Variants in DGKI observed in about 807,000 individuals in gnomAD.
The protein encoded by DGKI is diacylglycerol kinase iota.
In DGKI, 55 loss-of-function variants were observed where a neutral mutation model predicts 147.5. That is an observed-to-expected ratio of 0.37 (90% CI 0.30 to 0.47). The LOEUF (loss-of-function observed/expected upper bound fraction) is 0.47. Ranked by LOEUF, DGKI falls within the 20% of genes least tolerant of loss-of-function variation. The probability of loss-of-function intolerance (pLI) is 1.00; values close to 1 mark genes in which losing one functional copy is unlikely to be tolerated. For synonymous variants in DGKI, 469 were observed against 477.1 expected, an observed-to-expected ratio of 0.98 and a Z score of 0.22; for missense variants, 1,007 against 1,323.8, an observed-to-expected ratio of 0.76 and a Z score of 3.71.
intron 2 of DGKI, among the ~76,000 whole-genome samples, chr7:137,682,025 G>T (rs776412392): frequency 6.6e-6 from 1 of 152,226 alleles, no homozygotes; most frequent in African/African-American, 2.4e-5. Context: ...GTTGCTGGGA[G>T]AAGTTAGCTA....
At chr7:137,709,398 G>A (rs530165519) in intron 1 of DGKI, among the ~76,000 whole-genome samples, 1 of 152,260 alleles carries the variant, frequency 6.6e-6, no homozygotes, top group Non-Finnish European at 1.5e-5. Context: ...CTAAAGTGAT[G>A]TCAGCAAAAA....
At chr7:137,464,462 G>C (rs1190669571) in intron 26 of DGKI, among the ~76,000 whole-genome samples, 2 of 152,022 alleles carry the variant, frequency 1.3e-5, no homozygotes, top group African/African-American at 4.8e-5. Context: ...CTACTGATGG[G>C]TCTGATGCAT....
chr7:137,777,689 T>C (rs1052952074), intron 1 of DGKI, among the ~76,000 whole-genome samples: 5 of 152,260 alleles, frequency 3.3e-5, no homozygotes, highest in African/African-American at 1.2e-4. Flanking sequence ...ATGTCTTTTA[T>C]TCTCTTTAAA....
At position 137,727,053 on chromosome 7, in the gene DGKI, GA is replaced by G. The variant is rs368967257; in HGVS notation, c.402-37052del. ...GCCGTTGTTTTCAAGATCTGCAAAA[GA>G]AAAAAAAATGTTTTCTCATGAAAAG... On this transcript the variant is annotated intron_variant, in intron 1 of 32. Coordinates refer to ENST00000614521, the MANE Select transcript of DGKI (RefSeq NM_001321708.2). Among the ~76,000 whole-genome samples, 566 of 150,142 alleles carry G rather than the reference GA, an allele frequency of 3.8e-3. 23 individuals are homozygous for G. In the East Asian group the frequency reaches 0.084, roughly 22 times the overall value.
At chr7:137,730,717 C>G (rs1004793071) in intron 1 of DGKI, among the ~76,000 whole-genome samples, 1 of 152,036 alleles carries the variant, frequency 6.6e-6, no homozygotes, top group African/African-American at 2.4e-5. Flanking sequence ...ATCCATCACC[C>G]CGCAAAATGT....
At chr7:137,584,345 G>T (rs1470044805) in intron 14 of DGKI, among the ~76,000 whole-genome samples, 1 of 152,160 alleles carries the variant, frequency 6.6e-6, no homozygotes, top group South Asian at 2.1e-4. Context: ...GAGGGAAGTG[G>T]CTACTCAGAA....
intron 6 of DGKI, among the ~76,000 whole-genome samples, chr7:137,624,838 C>T (rs879669428): frequency 2.6e-5 from 4 of 152,094 alleles, no homozygotes; most frequent in Non-Finnish European, 4.4e-5. Flanking sequence ...AATCTCCTGA[C>T]CTCATGATCT....
intron 21 of DGKI, among the ~76,000 whole-genome samples, chr7:137,503,738 T>C (rs1030844509): frequency 7.2e-5 from 11 of 152,202 alleles, no homozygotes; most frequent in Non-Finnish European, 1.2e-4. Flanking sequence ...TACAATATAG[T>C]ATGTAAAGGC....
chr7:137,795,671 C>T (rs1343306479), intron 1 of DGKI, among the ~76,000 whole-genome samples: 8 of 152,192 alleles, frequency 5.3e-5, no homozygotes. Context: ...TATGCGCAAG[C>T]TGTGAGTATT....
At chr7:137,672,355 T>C (rs2116355772) in intron 3 of DGKI, among the ~76,000 whole-genome samples, 1 of 152,328 alleles carries the variant, frequency 6.6e-6, no homozygotes. Context: ...TAGGTAGAAG[T>C]GAACAGCCCG....
intron 28 of DGKI, among the ~76,000 whole-genome samples, chr7:137,423,403 G>C (rs1168532940): frequency 6.6e-6 from 1 of 152,174 alleles, no homozygotes; most frequent in East Asian, 1.9e-4. Flanking sequence ...AAAGGAACTT[G>C]GGGTGAACAA....
Position 137,770,570 on chromosome 7 carries a change from G to T in DGKI, c.401+75892C>A, listed in dbSNP as rs1796161497. Among the ~76,000 whole-genome samples the T allele has an allele frequency of 1.2e-4, 5 of 40,244 alleles. 1 individual carries two copies. The highest frequency in any genetic ancestry group is 6.0e-4 in the Admixed American group (3 of 5,016). 26.4% of individuals were successfully genotyped at this position (40,244 alleles called of 152,430 possible). A position where few individuals can be genotyped will look rare whatever the true frequency, so the allele number is the denominator to read the frequency against. On this transcript the variant is annotated intron_variant, in intron 1 of 32. Transcript: ENST00000614521. ...TTTTTTTGAGACGGAGTCTCGCTCTGTCGCCCAGGCTGGAGTGCAGTGGCG... is the reference window on the plus strand; with the variant it reads ...TTTTTTTGAGACGGAGTCTCGCTCTTTCGCCCAGGCTGGAGTGCAGTGGCG...
chr7:137,531,136 G>A (rs1467596949), intron 20 of DGKI, among the ~76,000 whole-genome samples: 1 of 152,120 alleles, frequency 6.6e-6, no homozygotes, highest in African/African-American at 2.4e-5. Context: ...GGAGAAGTAA[G>A]TACCACAGGA....
intron 1 of DGKI, among the ~76,000 whole-genome samples, chr7:137,756,684 T>C (rs1427640166): frequency 6.6e-6 from 1 of 152,218 alleles, no homozygotes; most frequent in Non-Finnish European, 1.5e-5. Flanking sequence ...ATCTACGATC[T>C]AAAAGACTAA....
intron 3 of DGKI, among the ~76,000 whole-genome samples, chr7:137,658,407 T>G (rs1054485192): frequency 2.6e-5 from 4 of 152,106 alleles, no homozygotes; most frequent in Non-Finnish European, 5.9e-5. Flanking sequence ...CTAATCAGAG[T>G]TATAGCGACA....
At chr7:137,524,623 G>GATTTAGAA (rs1817077669) in intron 20 of DGKI, among the ~76,000 whole-genome samples, 1 of 152,078 alleles carries the variant, frequency 6.6e-6, no homozygotes. Flanking sequence ...GATCTGCAAA[G>GATTTAGAA]ACTGTAATTA....
At chr7:137,841,983 T>C (rs902935363) in intron 1 of DGKI, among the ~76,000 whole-genome samples, 1 of 152,168 alleles carries the variant, frequency 6.6e-6, no homozygotes, top group African/African-American at 2.4e-5. Context: ...GCAGAATAAG[T>C]ACTCCGGACA....
chr7:137,685,239 C>T (rs543069050), intron 2 of DGKI, among the ~76,000 whole-genome samples: 2 of 152,174 alleles, frequency 1.3e-5, no homozygotes, highest in African/African-American at 4.8e-5. Context: ...CTCTTGGGAC[C>T]GAAGAAAGTT....
chr7:137,415,480 C>T (rs1261411195), intron 28 of DGKI, among the ~76,000 whole-genome samples: 2 of 152,060 alleles, frequency 1.3e-5, no homozygotes, highest in Non-Finnish European at 2.9e-5. Flanking sequence ...TGCAAGGGGT[C>T]CTGGAACTAA....
Sources: allele counts gnomAD v4.1 joint callset (sites outside exome capture counted in the v4.1 genomes callset), GRCh38; gene constraint gnomAD v4.1.1; transcripts MANE v1.5; gene names NCBI Gene and HGNC (gene_info 2026-07-23, HGNC 2026-07-21).